B3GALT1: variants seen among roughly 807,000 people sequenced by gnomAD.
The protein encoded by B3GALT1 is UDP-Gal:betaGlcNAc beta 1,3-galactosyltransferase, polypeptide 1.
Under a neutral mutation model 23.2 loss-of-function variants are expected in B3GALT1, and 10 were observed. The ratio of observed to expected loss-of-function variants is 0.43; its 90% CI spans 0.27 to 0.73. The LOEUF (loss-of-function observed/expected upper bound fraction) is 0.73, where lower values mean the gene tolerates loss of function less well. Among genes scored for constraint, B3GALT1 ranks in the 30% least tolerant of loss-of-function variants. The pLI is 0.21. For missense variants in B3GALT1, 299 were observed against 405.4 expected (o/e 0.74, Z 2.25); for synonymous variants, 156 against 141.5 (o/e 1.10, Z -0.73).
intron 3 of B3GALT1, among the ~76,000 whole-genome samples, chr2:167,689,197 G>C (rs1004925195): frequency 2.0e-5 from 3 of 147,244 alleles, no homozygotes; most frequent in Admixed American, 6.8e-5. Context: ...ATTACTTATA[G>C]AGCAAAACAG....
At chr2:167,802,516 C>T (rs1688657661) in intron 3 of B3GALT1, among the ~76,000 whole-genome samples, 1 of 152,192 alleles carries the variant, frequency 6.6e-6, no homozygotes, top group Non-Finnish European at 1.5e-5. Context: ...ACCACCAGCT[C>T]CTCGCACAAT....
chr2:167,737,755 A>AG (rs1029673903), intron 3 of B3GALT1, among the ~76,000 whole-genome samples: 1 of 152,226 alleles, frequency 6.6e-6, no homozygotes, highest in African/African-American at 2.4e-5. Context: ...CATGAATCCA[A>AG]GGAGTAGAGT....
At chr2:167,530,494 G>C (rs1400539396) in intron 2 of B3GALT1, among the ~76,000 whole-genome samples, 1 of 152,178 alleles carries the variant, frequency 6.6e-6, no homozygotes, top group African/African-American at 2.4e-5. Flanking sequence ...TATACATGCT[G>C]CTGGAATAGT....
At chr2:167,450,074 C>G (rs1379724184) in intron 1 of B3GALT1, among the ~76,000 whole-genome samples, 1 of 152,092 alleles carries the variant, frequency 6.6e-6, no homozygotes, top group Non-Finnish European at 1.5e-5. Context: ...ATGTCCTTGC[C>G]TAGTTTTGGC....
chr2:167,575,097 A>G (rs1021666028), intron 2 of B3GALT1, among the ~76,000 whole-genome samples: 1 of 151,772 alleles, frequency 6.6e-6, no homozygotes, highest in African/African-American at 2.4e-5. Flanking sequence ...TGGTTTTCTC[A>G]TCTGTAAAAT....
At chr2:167,680,056 CTT>C (rs1686500900) in intron 3 of B3GALT1, among the ~76,000 whole-genome samples, 1 of 152,066 alleles carries the variant, frequency 6.6e-6, no homozygotes, top group African/African-American at 2.4e-5. Context: ...TTCCACTACT[CTT>C]TGGTGAAAAC....
At chr2:167,575,248 A>G (rs1014852199) in intron 2 of B3GALT1, among the ~76,000 whole-genome samples, 1 of 151,806 alleles carries the variant, frequency 6.6e-6, no homozygotes, top group Non-Finnish European at 1.5e-5. Flanking sequence ...TGAGGGATTC[A>G]GTTGTCAAAT....
At chr2:167,395,446 A>C (rs747531850) in intron 1 of B3GALT1, among the ~76,000 whole-genome samples, 1 of 152,150 alleles carries the variant, frequency 6.6e-6, no homozygotes, top group Non-Finnish European at 1.5e-5. Context: ...GAAAAGAACC[A>C]TAAGCCAAGG....
chr2:167,653,687 C>T (rs139738734), intron 3 of B3GALT1, among the ~76,000 whole-genome samples: 1 of 152,276 alleles, frequency 6.6e-6, no homozygotes, highest in Non-Finnish European at 1.5e-5. Flanking sequence ...ATTTGCCGAG[C>T]AGTACCTGCA....
At chr2:167,410,104 G>C (rs548629710) in intron 1 of B3GALT1, among the ~76,000 whole-genome samples, 11 of 152,076 alleles carry the variant, frequency 7.2e-5, no homozygotes, top group African/African-American at 2.7e-4. Flanking sequence ...CCATAACAAA[G>C]AATGAGTTCA....
chr2:167,349,110 G>A (rs563435788), intron 1 of B3GALT1, among the ~76,000 whole-genome samples: 4 of 152,268 alleles, frequency 2.6e-5, no homozygotes, highest in East Asian at 1.9e-4. Context: ...GCCATTCATG[G>A]TTTTATTTTT....
intron 1 of B3GALT1, among the ~76,000 whole-genome samples, chr2:167,307,462 T>G (rs964231622): frequency 3.9e-5 from 6 of 152,162 alleles, no homozygotes; most frequent in African/African-American, 1.4e-4. Context: ...ATGTACTTAT[T>G]TTTCCTGTCA....
At chr2:167,808,539 A>G (rs1363729358) in intron 3 of B3GALT1, among the ~76,000 whole-genome samples, 1 of 151,888 alleles carries the variant, frequency 6.6e-6, no homozygotes, top group Non-Finnish European at 1.5e-5. Flanking sequence ...TTCTTAACTT[A>G]TGAAGCTTAA....
At chr2:167,670,473 G>A (rs576211327) in intron 3 of B3GALT1, among the ~76,000 whole-genome samples, 2 of 152,212 alleles carry the variant, frequency 1.3e-5, no homozygotes, top group East Asian at 3.9e-4. Context: ...AAACAACAAT[G>A]CAAGATTTCA....
intron 2 of B3GALT1, among the ~76,000 whole-genome samples, chr2:167,564,405 C>G (rs1416746304): frequency 1.3e-5 from 2 of 151,740 alleles, no homozygotes; most frequent in African/African-American, 2.4e-5. Context: ...AGGGGCTCCC[C>G]ACATCCCAGA....
At position 167,661,297 on chromosome 2, in the gene B3GALT1, A is replaced by G. The variant is rs76324016; in HGVS notation, c.-352+14331A>G. On this transcript the variant is annotated intron_variant, in intron 3 of 4. Transcript: ENST00000392690. ...TGTATTAAGCCAGAAAGCAATTTCT[A>G]TTATATACTATGGTAGGTGCTGAAC... Among the ~76,000 whole-genome samples the G allele has an allele frequency of 8.4e-4, 128 of 152,206 alleles. 4 individuals are homozygous for G. The East Asian group carries it at 9.9e-3, about 12-fold the overall frequency.
Position 167,437,843 on chromosome 2 carries a change from T to A in B3GALT1, c.-510-52334T>A, listed in dbSNP as rs10205921. Among the ~76,000 whole-genome samples, 391 of 152,318 alleles carry A rather than the reference T, an allele frequency of 2.6e-3. 4 individuals are homozygous for A. The highest frequency in any genetic ancestry group is 0.014 in the South Asian group (67 of 4,824). ...AGCTTGACTGTCATGGAAAACAGTTTCCATGACCTGAACTGGAGATATTCA... is the reference window on the plus strand; with the variant it reads ...AGCTTGACTGTCATGGAAAACAGTTACCATGACCTGAACTGGAGATATTCA... On this transcript the variant is annotated intron_variant, in intron 1 of 4. Transcript: ENST00000392690.
At chr2:167,768,298 C>T (rs775677749) in intron 3 of B3GALT1, among the ~76,000 whole-genome samples, 44 of 152,310 alleles carry the variant, frequency 2.9e-4, no homozygotes, top group Non-Finnish European at 5.1e-4. Flanking sequence ...TATATTTACT[C>T]CATGCTTCCC....
chr2:167,478,375 G>C (rs1476253018), intron 1 of B3GALT1, among the ~76,000 whole-genome samples: 4 of 152,080 alleles, frequency 2.6e-5, no homozygotes, highest in Admixed American at 1.3e-4. Context: ...AGAACTCCTT[G>C]TTTGCTCTGT....
Sources: allele counts gnomAD v4.1 joint callset (sites outside exome capture counted in the v4.1 genomes callset), GRCh38; gene constraint gnomAD v4.1.1; transcripts MANE v1.5; gene names NCBI Gene and HGNC (gene_info 2026-07-23, HGNC 2026-07-21).